The following PPEF2 variants were observed in gnomAD, a reference collection of about 807,000 sequenced individuals.
PPEF2 encodes the protein protein phosphatase with EF-hand domain 2.
PPEF2 carries 84 observed loss-of-function variants against 84.7 expected under a neutral mutation model. That is an observed-to-expected ratio of 0.99 (90% CI 0.83 to 1.19). The LOEUF (loss-of-function observed/expected upper bound fraction) is 1.19. PPEF2 is among the 50% of genes most tolerant of loss of function. The pLI is 0.00. For synonymous variants in PPEF2, 346 were observed against 345.2 expected (o/e 1.00, Z -0.03); for missense variants, 924 against 937.5 (o/e 0.99, Z 0.19).
chr4:75,877,672 CT>C (rs71210220), intron 10 of PPEF2, among the ~76,000 whole-genome samples: 55,609 of 147,006 alleles, frequency 0.38, 11,381 homozygotes, highest in Non-Finnish European at 0.48. Context: ...TTTCCTTTCT[CT>C]TTTTTTTTTT....
intron 10 of PPEF2, among the ~76,000 whole-genome samples, chr4:75,877,063 G>A (rs955785538): frequency 1.4e-3 from 91 of 63,510 alleles, no homozygotes; most frequent in African/African-American, 3.3e-3. Flanking sequence ...AGCCAGGTGC[G>A]GTGGCTCACG....
At chr4:75,880,010 G>A (rs1724525503) in intron 10 of PPEF2, among the ~76,000 whole-genome samples, 1 of 151,868 alleles carries the variant, frequency 6.6e-6, no homozygotes, top group African/African-American at 2.4e-5. Context: ...TGTACTTTTA[G>A]TAGAGACGGG....
intron 2 of PPEF2, among the ~76,000 whole-genome samples, chr4:75,892,679 C>G (rs1724918705): frequency 6.6e-6 from 1 of 152,198 alleles, no homozygotes; most frequent in East Asian, 1.9e-4. Context: ...CAGTCCCCCA[C>G]ATGGCCACTG....
intron 16 of PPEF2, 131 bp downstream of exon 16, chr4:75,864,309 C>A (rs1724076714): frequency 2.9e-6 from 2 of 684,220 alleles, no homozygotes; most frequent in Non-Finnish European, 2.5e-6. Context: ...CATTTATAAG[C>A]ACTAATCTTC....
At chr4:75,869,690 T>A (rs967006782) in intron 13 of PPEF2, among the ~76,000 whole-genome samples, 1 of 151,862 alleles carries the variant, frequency 6.6e-6, no homozygotes, top group Non-Finnish European at 1.5e-5. Flanking sequence ...CTACAAAAAA[T>A]TTAAAAAATT....
In PPEF2 at chr4:75,864,530, G is replaced by A. The variant is rs1326105162; in HGVS notation, c.1921-3C>T. ...TCCAGCAAACTTGATTGTATGTTCT[G>A]CAAGAAAAAATTCATTTTCCTTCTT... On this transcript the variant is annotated splice_polypyrimidine_tract_variant and splice_region_variant and intron_variant, in intron 15 of 16. Coordinates refer to ENST00000286719, the MANE Select transcript of PPEF2 (RefSeq NM_006239.3). The A allele has an allele frequency of 1.2e-6, 2 of 1,606,538 alleles. No homozygotes were observed. The highest frequency in any genetic ancestry group is 1.7e-6 in the Non-Finnish European group (2 of 1,173,376).
chr4:75,860,993 A>G (rs1723987069), intron 16 of PPEF2, 73 bp from the exon 17 acceptor site: 5 of 1,520,912 alleles, frequency 3.3e-6, no homozygotes, highest in African/African-American at 2.7e-5. Flanking sequence ...ACATTCTTAC[A>G]AGGACACCTG....
At chr4:75,878,378 G>A (rs1175245770) in intron 10 of PPEF2, among the ~76,000 whole-genome samples, 1 of 152,238 alleles carries the variant, frequency 6.6e-6, no homozygotes. Context: ...CGAGGGGGAA[G>A]ACTTCCATGG....
At chr4:75,897,645 C>T (rs1725037806) in intron 1 of PPEF2, among the ~76,000 whole-genome samples, 1 of 152,124 alleles carries the variant, frequency 6.6e-6, no homozygotes. Flanking sequence ...TGTGGTGGTG[C>T]ACACTTGTAA....
intron 14 of PPEF2, 107 bp from the exon 15 acceptor site, chr4:75,866,459 A>G (rs1318908694): frequency 7.3e-7 from 1 of 1,369,550 alleles, no homozygotes; most frequent in Non-Finnish European, 1.0e-6. Flanking sequence ...TGCAGGTAAT[A>G]GAAATAATGG....
chr4:75,880,288 T>C (rs556701567), intron 10 of PPEF2, among the ~76,000 whole-genome samples: 19 of 152,328 alleles, frequency 1.2e-4, no homozygotes, highest in Non-Finnish European at 1.8e-4. Flanking sequence ...TCCTATAAGA[T>C]AGCATCTTTT....
At chr4:75,863,287 C>T (rs1387664557) in intron 16 of PPEF2, among the ~76,000 whole-genome samples, 2 of 149,794 alleles carry the variant, frequency 1.3e-5, no homozygotes, top group African/African-American at 4.9e-5. Flanking sequence ...GTCAGGAGAT[C>T]GAGACCATCC....
intron 9 of PPEF2, 39 bp downstream of exon 9, chr4:75,883,127 C>G: frequency 1.9e-6 from 3 of 1,613,600 alleles, no homozygotes; most frequent in Non-Finnish European, 2.5e-6. Flanking sequence ...CTCAACTTAT[C>G]TGAACTGAGA....
chr4:75,884,897 A>G, intron 7 of PPEF2, 137 bp from the exon 8 acceptor site: 1 of 689,662 alleles, frequency 1.4e-6, no homozygotes, highest in Non-Finnish European at 2.4e-6. Flanking sequence ...CAAGCCTGAA[A>G]TGTCAGTAAA....
At position 75,861,893 on chromosome 4, in the gene PPEF2, G is replaced by A. The variant is rs190377289; in HGVS notation, c.2009-973C>T. ...CAAAGTGCTGGGATTACAGGCGTGA[G>A]CCACCGTGACTAGCCTATGCAACAG... On this transcript the variant is annotated intron_variant, in intron 16 of 16. Transcript: ENST00000286719. Among the ~76,000 whole-genome samples the A allele has an allele frequency of 9.5e-3, 1,433 of 150,398 alleles. 29 individuals carry two copies. Among genetic ancestry groups the A allele is most frequent in the African/African-American group, 0.033 (1,375 of 41,230 alleles).
Position 75,876,689 on chromosome 4 carries a change from AAG to A in PPEF2, c.934-18_934-17del, listed in dbSNP as rs1417140881. The A allele has an allele frequency of 6.6e-7, 1 of 1,519,892 alleles. No individual in the cohort carries two copies. The highest frequency in any genetic ancestry group is 2.2e-5 in the Admixed American group (1 of 46,068). The allele number at this position is 1,519,892 out of a possible 1,614,324, so 94.2% of individuals were successfully genotyped here. On this transcript the variant is annotated splice_polypyrimidine_tract_variant and intron_variant, in intron 10 of 16. Coordinates refer to ENST00000286719, the MANE Select transcript of PPEF2 (RefSeq NM_006239.3). ...TGGAAACTATCTAAACACGTCCAGA[AAG>A]AGATACAGATGCTGGAATGAAACTG...
chr4:75,864,638 A>G, intron 15 of PPEF2, 111 bp from the exon 16 acceptor site: 1 of 832,070 alleles, frequency 1.2e-6, no homozygotes, highest in Non-Finnish European at 1.9e-6. Context: ...AAACCTGAAA[A>G]TATTTTGCCA....
At chr4:75,893,778 TGC>T (rs767136356) in intron 2 of PPEF2, among the ~76,000 whole-genome samples, 1 of 152,252 alleles carries the variant, frequency 6.6e-6, no homozygotes, top group Non-Finnish European at 1.5e-5. Flanking sequence ...TGGCCAGTGC[TGC>T]CAATGATGAG....
chr4:75,886,982 G>A (rs924876443), intron 6 of PPEF2, 84 bp from the exon 7 acceptor site: 36 of 722,884 alleles, frequency 5.0e-5, no homozygotes, highest in Admixed American at 4.8e-4. Flanking sequence ...AAAATACCCA[G>A]AAGAATCTGA....
Sources: gnomAD v4.1 joint callset for allele counts (sites outside exome capture counted in the v4.1 genomes callset) on GRCh38, gnomAD v4.1.1 for gene constraint, MANE v1.5 for transcripts, NCBI Gene and HGNC (gene_info 2026-07-23, HGNC 2026-07-21) for gene names.